ANKS6: variants seen among roughly 807,000 people sequenced by gnomAD.
ANKS6 encodes ankyrin repeat and SAM domain-containing protein 6.
Under a neutral mutation model 77.9 loss-of-function variants are expected in ANKS6, and 47 were observed. The ratio of observed to expected loss-of-function variants is 0.60; its 90% CI spans 0.48 to 0.77. ANKS6 has a LOEUF of 0.77. Ranked by LOEUF, ANKS6 falls within the 30% of genes least tolerant of loss-of-function variation. The pLI, the probability that ANKS6 is intolerant of heterozygous loss-of-function variation, is 0.00. For missense variants in ANKS6, 1,150 were observed against 1,159.1 expected, an observed-to-expected ratio of 0.99 and a Z score of 0.11; for synonymous variants, 488 against 501.7, an observed-to-expected ratio of 0.97 and a Z score of 0.37.
rs978673028 is a variant in ANKS6, at chr9:98,768,166, C to T, written c.2057G>A (p.Arg686Gln). ...CGGTGCTGGCCCCACAGGGCTTGAC[C>T]GATGGCTGGGTTTCTGCTCCAATAA... ...AGLLEQKPSH[R>Q]SSPVGPAPGS... Residue 686 changes from arginine (R) to glutamine (Q), a missense_variant, in exon 11 of 15, where the codon CGG (arginine) becomes CAG (glutamine). Coordinates refer to ENST00000353234, the MANE Select transcript of ANKS6 (RefSeq NM_173551.5). 2.7e-5 allele frequency: 44 copies of T among 1,613,914 alleles called. No individual in the cohort carries two copies. Among genetic ancestry groups the T allele is most frequent in the Non-Finnish European group, 3.5e-5 (41 of 1,180,028 alleles).
intron 14 of ANKS6, among the ~76,000 whole-genome samples, chr9:98,740,607 T>G (rs337580): frequency 0.11 from 16,144 of 152,190 alleles, 1,479 homozygotes; most frequent in East Asian, 0.28. Flanking sequence ...AGCCTTAATT[T>G]CCTGAGAAAT....
intron 8 of ANKS6, among the ~76,000 whole-genome samples, chr9:98,775,202 C>T (rs185234318): frequency 8.1e-4 from 123 of 152,362 alleles, no homozygotes; most frequent in African/African-American, 2.9e-3. Context: ...GGGTAACAGT[C>T]TAAATTGTTG....
chr9:98,771,374 T>C (rs1194440254), intron 9 of ANKS6, among the ~76,000 whole-genome samples: 1 of 152,116 alleles, frequency 6.6e-6, no homozygotes, highest in Admixed American at 6.5e-5. Flanking sequence ...CCTCAGCACA[T>C]CCAGGACAAA....
In ANKS6 at chr9:98,758,067, G is replaced by A. The variant is rs75630429; in HGVS notation, c.2143-1464C>T. On this transcript the variant is annotated intron_variant, in intron 11 of 14. Transcript: ENST00000353234. Reference sequence around the variant, plus strand: ...TCTCACTGAGGCAAGTGTTACAGTGGTGTTCCCATGGTGATTTTCTATTGC... The same window carrying A: ...TCTCACTGAGGCAAGTGTTACAGTGATGTTCCCATGGTGATTTTCTATTGC... Among the ~76,000 whole-genome samples the A allele has an allele frequency of 2.8e-3, 421 of 152,262 alleles. 3 individuals are homozygous for A. The highest frequency in any genetic ancestry group is 9.6e-3 in the African/African-American group (398 of 41,538).
Position 98,782,558 on chromosome 9 carries a change from C to A in ANKS6, c.1128G>T (p.Val376=). 6.2e-7 allele frequency: 1 copy of A among 1,614,060 alleles called. No homozygotes were observed. Among genetic ancestry groups the A allele is most frequent in the Non-Finnish European group, 8.5e-7 (1 of 1,179,928 alleles). ...QATYHGNKEI[V]KYLLNQGADV... ...CGGCCCCTTGGTTTAGCAGATATTTCACAATTTCCTTATTCCTGGGAAAAA... is the reference window on the plus strand; with the variant it reads ...CGGCCCCTTGGTTTAGCAGATATTTAACAATTTCCTTATTCCTGGGAAAAA... The change falls in exon 5 of 15, where the codon GTG becomes GTT. Residue 376 remains valine (V), a synonymous_variant. Transcript: ENST00000353234.
rs1316420853 is a variant in ANKS6, at chr9:98,736,524, C to T, written c.2611G>A (p.Ala871Thr). The T allele has an allele frequency of 2.5e-6, 4 of 1,610,234 alleles. No individual in the cohort carries two copies. The highest frequency in any genetic ancestry group is 1.7e-6 in the Non-Finnish European group (2 of 1,177,558). The change falls in exon 15 of 15, where the codon GCG becomes ACG. Residue 871 changes from alanine to threonine, a missense_variant. Transcript: ENST00000353234. The stretch of plus-strand genomic sequence containing the variant: ...GGTGGCTGCGGGAAGGAGGATCACG[C>T]ACAGGGGCTGTTGCCAGGGGCCCTG... ...NTRAPGNSPC[A>T]
intron 10 of ANKS6, among the ~76,000 whole-genome samples, chr9:98,769,749 C>A (rs1277705215): frequency 6.6e-6 from 1 of 152,168 alleles, no homozygotes; most frequent in Non-Finnish European, 1.5e-5. Context: ...TGTCCTTAGC[C>A]CCAATCCCTC....
chr9:98,732,367 C>T lies in ANKS6; in HGVS notation c.*4152G>A, dbSNP rs921714716. 3.9e-5 allele frequency: 41 copies of T among 1,044,278 alleles called. No individual in the cohort carries two copies. The highest frequency in any genetic ancestry group is 5.4e-5 in the Non-Finnish European group (39 of 727,078). 64.7% of individuals were successfully genotyped at this position (1,044,278 alleles called of 1,614,324 possible). On this transcript the variant is annotated 3_prime_UTR_variant, in exon 15 of 15. Coordinates refer to ENST00000353234, the MANE Select transcript of ANKS6 (RefSeq NM_173551.5). ...GATCAGCTTCTACGACTTGGTCAAA[C>T]TATCTTTCTTTCTGTCTGCCATGCC...
In ANKS6 at chr9:98,756,615, A is replaced by C; in HGVS notation, c.2143-12T>G. The C allele has an allele frequency of 6.7e-7, 1 of 1,501,228 alleles. No homozygotes were observed. The highest frequency in any genetic ancestry group is 8.9e-7 in the Non-Finnish European group (1 of 1,127,228). 93.0% of individuals were successfully genotyped at this position (1,501,228 alleles called of 1,614,324 possible). ...CTGGTCTCCAATTTCTGCTGAACAGAGTAAGACAAATACATAAGCCATCAC... is the reference window on the plus strand; with the variant it reads ...CTGGTCTCCAATTTCTGCTGAACAGCGTAAGACAAATACATAAGCCATCAC... On this transcript the variant is annotated splice_polypyrimidine_tract_variant and intron_variant, in intron 11 of 14. Transcript: ENST00000353234.
chr9:98,782,664 T>C, intron 4 of ANKS6, 91 bp from the exon 5 acceptor site: 1 of 995,288 alleles, frequency 1.0e-6, no homozygotes, highest in Non-Finnish European at 1.6e-6. Context: ...CAAAGCTCAG[T>C]CTCTGAGCAT....
At chr9:98,764,172 A>G (rs1833153040) in intron 11 of ANKS6, among the ~76,000 whole-genome samples, 7 of 152,138 alleles carry the variant, frequency 4.6e-5, no homozygotes, top group Admixed American at 4.6e-4. Flanking sequence ...ATGTCACAAC[A>G]CTGTCTTTGA....
At chr9:98,766,316 G>T (rs1833286272) in intron 11 of ANKS6, among the ~76,000 whole-genome samples, 1 of 151,954 alleles carries the variant, frequency 6.6e-6, no homozygotes, top group African/African-American at 2.4e-5. Flanking sequence ...TTTATAACTT[G>T]GAAATGCCTT....
Position 98,756,457 on chromosome 9 carries a change from G to A in ANKS6, c.2289C>T (p.Ser763=), listed in dbSNP as rs747910257. The A allele has an allele frequency of 3.1e-6, 5 of 1,613,500 alleles. No individual in the cohort carries two copies. The highest frequency in any genetic ancestry group is 2.2e-5 in the East Asian group (1 of 44,758). The change falls in exon 12 of 15, where the codon AGC becomes AGT. Residue 763 remains serine, a synonymous_variant. Coordinates refer to ENST00000353234, the MANE Select transcript of ANKS6 (RefSeq NM_173551.5). ...SSSSSHRQSK[S]SGGSSSGTIT... is the part of the protein sequence containing the mutation. Reference sequence around the variant, plus strand: ...TGGTGCCACTGCTGGAGCCCCCACTGCTCTTGGACTGCCGATGGGATGACG... The same window carrying A: ...TGGTGCCACTGCTGGAGCCCCCACTACTCTTGGACTGCCGATGGGATGACG...
rs1831332484 is a variant in ANKS6, at chr9:98,733,750, A to G, written c.*2769T>C. The G allele has an allele frequency of 1.0e-6, 1 of 985,394 alleles. No homozygotes were observed. Among genetic ancestry groups the G allele is most frequent in the South Asian group, 4.7e-5 (1 of 21,288 alleles). The allele number at this position is 985,394 out of a possible 1,614,324, so 61.0% of individuals were successfully genotyped here. A position where few individuals can be genotyped will look rare whatever the true frequency, so the allele number is the denominator to read the frequency against. On this transcript the variant is annotated 3_prime_UTR_variant, in exon 15 of 15. Coordinates refer to ENST00000353234, the MANE Select transcript of ANKS6 (RefSeq NM_173551.5). ...TGAAGGTTGTGAGAGGCCTGTAGCA[A>G]AGATGATCGTGTAGCTCGCTTTAGT...
rs1047225292 is a variant in ANKS6 at position 98,736,523 on chromosome 9, G to A, written c.2612C>T (p.Ala871Val). ...NTRAPGNSPC[A>V] ...TGGTGGCTGCGGGAAGGAGGATCACGCACAGGGGCTGTTGCCAGGGGCCCT... is the reference window on the plus strand; with the variant it reads ...TGGTGGCTGCGGGAAGGAGGATCACACACAGGGGCTGTTGCCAGGGGCCCT... The change falls in exon 15 of 15, where the codon GCG becomes GTG. Residue 871 changes from alanine to valine, a missense_variant. By Grantham distance (64) the Ala-to-Val change is moderately conservative (BLOSUM62 0). Coordinates refer to ENST00000353234, the MANE Select transcript of ANKS6 (RefSeq NM_173551.5). 1.2e-5 allele frequency: 19 copies of A among 1,609,442 alleles called. No homozygotes were observed. Among genetic ancestry groups the A allele is most frequent in the Admixed American group, 3.3e-5 (2 of 59,776 alleles).
At position 98,736,377 on chromosome 9, in the gene ANKS6, G is replaced by A. The variant is rs548150946; in HGVS notation, c.*142C>T. 9 of 1,430,394 alleles carry A rather than the reference G, an allele frequency of 6.3e-6. No individual in the cohort carries two copies. The highest frequency in any genetic ancestry group is 5.8e-5 in the Admixed American group (2 of 34,520). 88.6% of individuals were successfully genotyped at this position (1,430,394 alleles called of 1,614,324 possible). A position where few individuals can be genotyped will look rare whatever the true frequency, so the allele number is the denominator to read the frequency against. ...GCAAGAAGTACTACCAATGAATGCCGTCGACGTGAAGTGGGCATCCCGAGC... is the reference window on the plus strand; with the variant it reads ...GCAAGAAGTACTACCAATGAATGCCATCGACGTGAAGTGGGCATCCCGAGC... On this transcript the variant is annotated 3_prime_UTR_variant, in exon 15 of 15. Transcript: ENST00000353234.
intron 11 of ANKS6, 103 bp downstream of exon 11, chr9:98,767,978 G>A: frequency 6.9e-7 from 1 of 1,443,508 alleles, no homozygotes; most frequent in Non-Finnish European, 9.2e-7. Flanking sequence ...CCTGTCTTTA[G>A]TCCTGTCCCA....
chr9:98,756,982 G>A (rs1193991616), intron 11 of ANKS6, among the ~76,000 whole-genome samples: 1 of 152,004 alleles, frequency 6.6e-6, no homozygotes, highest in Non-Finnish European at 1.5e-5. Flanking sequence ...TCTGGCTTAG[G>A]GAGGCACAAA....
chr9:98,782,202 G>A (rs1024329918), intron 5 of ANKS6, among the ~76,000 whole-genome samples: 3 of 152,176 alleles, frequency 2.0e-5, no homozygotes, highest in South Asian at 2.1e-4. Context: ...AGTCAGACAC[G>A]TCTTATTTTC....
Sources: allele counts gnomAD v4.1 joint callset (sites outside exome capture counted in the v4.1 genomes callset), GRCh38; gene constraint gnomAD v4.1.1; transcripts MANE v1.5; gene names NCBI Gene and HGNC (gene_info 2026-07-23, HGNC 2026-07-21).